The following COL12A1 variants were observed in gnomAD, a reference collection of about 807,000 sequenced individuals.
The protein encoded by COL12A1 is collagen type XII alpha 1 chain.
In COL12A1, 114 loss-of-function variants were observed where a neutral mutation model predicts 349.7. That is an observed-to-expected ratio of 0.33 (90% confidence interval 0.28 to 0.38). COL12A1 has a LOEUF of 0.38. COL12A1 is among the 10% of genes least tolerant of loss of function. The pLI is 1.00. For synonymous variants in COL12A1, 1,369 were observed against 1,329.0 expected, an observed-to-expected ratio of 1.03 and a Z score of -0.66; for missense variants, 3,284 against 3,756.9, an observed-to-expected ratio of 0.87 and a Z score of 3.29.
chr6:75,113,805 A>G, intron 49 of COL12A1, 61 bp from the exon 50 acceptor site: 1 of 1,296,920 alleles, frequency 7.7e-7, no homozygotes, highest in East Asian at 2.4e-5. Context: ...GGAAGAAAGA[A>G]AGATTGATTG....
chr6:75,123,027 G>A (rs1765824288), intron 43 of COL12A1, among the ~76,000 whole-genome samples: 1 of 152,186 alleles, frequency 6.6e-6, no homozygotes, highest in Non-Finnish European at 1.5e-5. Context: ...CCAGCAGCTA[G>A]CAGAAAGAAA....
At chr6:75,154,384 T>C in intron 17 of COL12A1, 32 bp downstream of exon 17, 1 of 1,603,196 alleles carries the variant, frequency 6.2e-7, no homozygotes, top group Non-Finnish European at 8.5e-7. Flanking sequence ...TCCTAAGTTG[T>C]TTTCCTCAAG....
At chr6:75,151,839 G>A in intron 20 of COL12A1, 28 bp downstream of exon 20, 1 of 1,607,024 alleles carries the variant, frequency 6.2e-7, no homozygotes, top group Non-Finnish European at 8.5e-7. Context: ...GTAACCCCAG[G>A]GGCATCACTG....
Position 75,126,438 on chromosome 6 carries a change from A to C in COL12A1, c.6373T>G (p.Ser2125Ala). The C allele has an allele frequency of 1.2e-6, 2 of 1,611,410 alleles. No homozygotes were observed. The highest frequency in any genetic ancestry group is 1.7e-6 in the Non-Finnish European group (2 of 1,177,894). ...GLLPPQNIHI[S>A]DEWYTRFRVS... ...CTGAATCTTGTATACCATTCGTCAG[A>C]GATGTGTATGTTCTGAGGAGGAAGG... Residue 2125 changes from serine to alanine, a missense_variant, in exon 39 of 66, where the codon TCT becomes GCT. Ser to Ala is a moderately conservative substitution (Grantham distance 99, BLOSUM62 1). Around this residue, in one of 2 missense-constraint regions of COL12A1, gnomAD observed 2,601 missense variants for 2,824.8 expected, o/e 0.92. Transcript: ENST00000322507.
rs537021524 is a variant in COL12A1 at position 75,148,997 on chromosome 6, TTC to T, written c.4148-502_4148-501del. Among the ~76,000 whole-genome samples, 428 of 152,282 alleles carry T rather than the reference TTC, an allele frequency of 2.8e-3. 1 individual carries two copies. Among genetic ancestry groups the T allele is most frequent in the African/African-American group, 9.8e-3 (407 of 41,572 alleles). On this transcript the variant is annotated intron_variant, in intron 21 of 65. Transcript: ENST00000322507. ...GGTTTACTCTTTCACTTGGCTCTCATTCTCTCTCTTGCCTGCCACCATGTAAG... is the reference window on the plus strand; with the variant it reads ...GGTTTACTCTTTCACTTGGCTCTCATTCTCTCTTGCCTGCCACCATGTAAG...
Position 75,086,245 on chromosome 6 carries a change from T to G in COL12A1, c.*302A>C, listed in dbSNP as rs1767482108. ...ACTCCTCTGGTTAGTAGTTTTATTA[T>G]GCACCTCTTTCAAAACTGAGGCTCC... On this transcript the variant is annotated 3_prime_UTR_variant, in exon 66 of 66. Coordinates refer to ENST00000322507, the MANE Select transcript of COL12A1 (RefSeq NM_004370.6). 1 of 188,302 alleles carries G rather than the reference T, an allele frequency of 5.3e-6. No homozygotes were observed. The highest frequency in any genetic ancestry group is 1.5e-4 in the South Asian group (1 of 6,778). 11.7% of individuals were successfully genotyped at this position (188,302 alleles called of 1,614,324 possible).
At chr6:75,107,546 C>T (rs1219443163) in intron 52 of COL12A1, among the ~76,000 whole-genome samples, 1 of 152,174 alleles carries the variant, frequency 6.6e-6, no homozygotes, top group Admixed American at 6.5e-5. Context: ...GCTGGGATTA[C>T]AGGCATGAGC....
intron 47 of COL12A1, among the ~76,000 whole-genome samples, chr6:75,116,821 C>A (rs1414271136): frequency 1.3e-5 from 2 of 152,142 alleles, no homozygotes; most frequent in African/African-American, 2.4e-5. Context: ...GGATTAATTG[C>A]CTCCATAACC....
At chr6:75,188,336 T>G (rs755897887) in intron 8 of COL12A1, 26 bp downstream of exon 8, 2 of 1,588,244 alleles carry the variant, frequency 1.3e-6, no homozygotes, top group African/African-American at 2.7e-5. Flanking sequence ...GACTAACACA[T>G]GGGGAATGCT....
chr6:75,119,016 T>C (rs1267340263), intron 46 of COL12A1, 27 bp downstream of exon 46: 3 of 1,611,236 alleles, frequency 1.9e-6, no homozygotes, highest in South Asian at 1.1e-5. Flanking sequence ...AAATTTCAAG[T>C]GCAATCAAAT....
intron 16 of COL12A1, among the ~76,000 whole-genome samples, chr6:75,154,893 A>G (rs1767677540): frequency 6.6e-6 from 1 of 152,170 alleles, no homozygotes; most frequent in Non-Finnish European, 1.5e-5. Context: ...GCTTTAAGAA[A>G]ATAATTGAAG....
Position 75,145,273 on chromosome 6 carries a change from G to T in COL12A1, c.4690+53C>A. 2.1e-6 allele frequency: 3 copies of T among 1,429,206 alleles called. No individual in the cohort carries two copies. The South Asian group carries it at 5.2e-5, about 25-fold the overall frequency. 88.5% of individuals were successfully genotyped at this position (1,429,206 alleles called of 1,614,324 possible). A position where few individuals can be genotyped will look rare whatever the true frequency, so the allele number is the denominator to read the frequency against. ...AGCATCACATGAAATAAATTCTAAT[G>T]AACATTATGCTCACAGCAATAAGAA... On this transcript the variant is annotated intron_variant, in intron 25 of 65. Coordinates refer to ENST00000322507, the MANE Select transcript of COL12A1 (RefSeq NM_004370.6).
rs1267581937 is a variant in COL12A1, at chr6:75,193,966, C to T, written c.190+865G>A. On this transcript the variant is annotated intron_variant, in intron 3 of 65. Coordinates refer to ENST00000322507, the MANE Select transcript of COL12A1 (RefSeq NM_004370.6). ...ATATATGTGCCACATTTTCTTAATC[C>T]AGTCTATCATCGATGGACATTTGGG... Among the ~76,000 whole-genome samples the T allele has an allele frequency of 3.9e-5, 6 of 152,226 alleles. No individual in the cohort carries two copies. In the East Asian group the frequency reaches 5.8e-4, roughly 15 times the overall value.
At chr6:75,129,245 G>A (rs191195501) in intron 37 of COL12A1, among the ~76,000 whole-genome samples, 1 of 152,246 alleles carries the variant, frequency 6.6e-6, no homozygotes, top group East Asian at 1.9e-4. Context: ...GTAGTTACAT[G>A]TGTTTCTTAT....
chr6:75,169,583 T>C (rs1176605208), intron 13 of COL12A1, among the ~76,000 whole-genome samples: 2 of 152,232 alleles, frequency 1.3e-5, no homozygotes, highest in East Asian at 3.8e-4. Context: ...ATGTGTCTTA[T>C]GGTGCTGGGG....
At chr6:75,155,361 T>TACAC (rs1767699283) in intron 16 of COL12A1, among the ~76,000 whole-genome samples, 1 of 152,138 alleles carries the variant, frequency 6.6e-6, no homozygotes, top group African/African-American at 2.4e-5. Context: ...ATAAGAACAT[T>TACAC]AATTTCTTAA....
At position 75,149,095 on chromosome 6, in the gene COL12A1, C is replaced by T. The variant is rs139378724; in HGVS notation, c.4148-598G>A. ...ATGGAACTGTGAGTCAATCAAACCT[C>T]TTTCCTTTATAAATTACCCAGTCTT... On this transcript the variant is annotated intron_variant, in intron 21 of 65. Coordinates refer to ENST00000322507, the MANE Select transcript of COL12A1 (RefSeq NM_004370.6). 5.6e-3 allele frequency among the ~76,000 whole-genome samples: 857 copies of T among 152,266 alleles called. 10 individuals are homozygous for T. The South Asian group carries it at 0.062, about 11-fold the overall frequency.
chr6:75,188,252 A>G, intron 8 of COL12A1, 110 bp downstream of exon 8: 1 of 1,173,204 alleles, frequency 8.5e-7, no homozygotes, highest in Non-Finnish European at 1.2e-6. Context: ...ATACAATTGT[A>G]GAATCACTGG....
In COL12A1 at chr6:75,175,259, A is replaced by T. The variant is rs1238795008; in HGVS notation, c.2489T>A (p.Met830Lys). 1 of 1,614,038 alleles carries T rather than the reference A, an allele frequency of 6.2e-7. No individual in the cohort carries two copies. Among genetic ancestry groups the T allele is most frequent in the Admixed American group, 1.7e-5 (1 of 60,006 alleles). Residue 830 changes from methionine (M) to lysine (K), a missense_variant, in exon 13 of 66, where the codon ATG becomes AAG. Around this residue, in one of 2 missense-constraint regions of COL12A1, gnomAD observed 2,601 missense variants for 2,824.8 expected, o/e 0.92. Transcript: ENST00000322507. ...LRVSDPTTST[M>K]KLSWSGAPGK... Reference sequence around the variant, plus strand: ...TGGTGCCCCACTCCAAGATAATTTCATAGTAGACGTCGTAGGGTCAGAAAC... The same window carrying T: ...TGGTGCCCCACTCCAAGATAATTTCTTAGTAGACGTCGTAGGGTCAGAAAC...
Sources: gnomAD v4.1 joint callset for allele counts (sites outside exome capture counted in the v4.1 genomes callset) on GRCh38, gnomAD v4.1.1 for gene constraint, gnomAD v4.1.1 regional missense constraint, MANE v1.5 for transcripts, NCBI Gene and HGNC (gene_info 2026-07-23, HGNC 2026-07-21) for gene names.